TSHZ2: variants seen among roughly 807,000 people sequenced by gnomAD.
TSHZ2 encodes teashirt zinc finger homeobox 2.
Under a neutral mutation model 74.4 loss-of-function variants are expected in TSHZ2, and 21 were observed. The observed-to-expected ratio is 0.28, with a 90% confidence interval of 0.20 to 0.41. The LOEUF (loss-of-function observed/expected upper bound fraction) is 0.41. TSHZ2 is among the 10% of genes least tolerant of loss of function. The pLI is 1.00. For synonymous variants in TSHZ2, 540 were observed against 515.3 expected (o/e 1.05, Z -0.65); for missense variants, 1,244 against 1,293.5 (o/e 0.96, Z 0.59).
At chr20:53,323,671 G>A (rs1979375691) in intron 2 of TSHZ2, among the ~76,000 whole-genome samples, 1 of 136,560 alleles carries the variant, frequency 7.3e-6, no homozygotes, top group South Asian at 2.5e-4. Flanking sequence ...CGACTCCCAG[G>A]TTCAAGCGAT....
chr20:53,052,204 G>T (rs1984492846), intron 1 of TSHZ2, among the ~76,000 whole-genome samples: 1 of 152,040 alleles, frequency 6.6e-6, no homozygotes, highest in Non-Finnish European at 1.5e-5. Flanking sequence ...GACTATTTTA[G>T]GTACCTCATG....
chr20:53,019,616 C>A (rs372830150), intron 1 of TSHZ2, among the ~76,000 whole-genome samples: 1 of 152,090 alleles, frequency 6.6e-6, no homozygotes, highest in African/African-American at 2.4e-5. Context: ...TTGGCCTTTA[C>A]GTGAATCTAC....
At chr20:53,241,631 T>C (rs150959556) in intron 1 of TSHZ2, among the ~76,000 whole-genome samples, 428 of 152,260 alleles carry the variant, frequency 2.8e-3, no homozygotes, top group Middle Eastern at 0.027. Context: ...AACATGATTC[T>C]TCATGACTAG....
chr20:53,028,656 G>A (rs1983533684), intron 1 of TSHZ2, among the ~76,000 whole-genome samples: 1 of 152,224 alleles, frequency 6.6e-6, no homozygotes. Context: ...GTTGGGGCAG[G>A]TTTCTCAGCA....
chr20:53,141,310 G>T (rs893129206), intron 1 of TSHZ2, among the ~76,000 whole-genome samples: 1 of 152,126 alleles, frequency 6.6e-6, no homozygotes, highest in African/African-American at 2.4e-5. Flanking sequence ...GGGAGCCCAG[G>T]GCATCATTAG....
intron 1 of TSHZ2, among the ~76,000 whole-genome samples, chr20:53,018,489 G>A (rs1359163438): frequency 6.6e-6 from 1 of 152,132 alleles, no homozygotes; most frequent in African/African-American, 2.4e-5. Flanking sequence ...AGAAGGGGGA[G>A]GGCAGGACAG....
intron 1 of TSHZ2, among the ~76,000 whole-genome samples, chr20:52,974,914 T>A (rs954699516): frequency 6.6e-6 from 1 of 152,228 alleles, no homozygotes; most frequent in Non-Finnish European, 1.5e-5. Flanking sequence ...AATTAAAATA[T>A]TTTTAGTGAG....
At chr20:53,360,974 G>C (rs1479915996) in intron 2 of TSHZ2, among the ~76,000 whole-genome samples, 1 of 152,150 alleles carries the variant, frequency 6.6e-6, no homozygotes, top group African/African-American at 2.4e-5. Flanking sequence ...TCCCTCTGGG[G>C]GGCTAGTTCG....
At chr20:53,036,635 G>A (rs1983828509) in intron 1 of TSHZ2, among the ~76,000 whole-genome samples, 1 of 147,660 alleles carries the variant, frequency 6.8e-6, no homozygotes, top group African/African-American at 2.5e-5. Flanking sequence ...TGGGTTTATT[G>A]CATTACACAT....
chr20:53,438,296 G>C (rs537368371), intron 2 of TSHZ2, among the ~76,000 whole-genome samples: 1 of 151,852 alleles, frequency 6.6e-6, no homozygotes, highest in Non-Finnish European at 1.5e-5. Flanking sequence ...CTTTAGTAGA[G>C]ATGGGCTTTC....
intron 2 of TSHZ2, among the ~76,000 whole-genome samples, chr20:53,358,830 G>T (rs982837896): frequency 5.9e-5 from 9 of 152,282 alleles, no homozygotes; most frequent in African/African-American, 1.9e-4. Context: ...ACTTCACTCA[G>T]CTGACAGATA....
At chr20:53,480,575 A>T (rs1035729251) in intron 2 of TSHZ2, among the ~76,000 whole-genome samples, 2 of 151,966 alleles carry the variant, frequency 1.3e-5, no homozygotes, top group Non-Finnish European at 2.9e-5. Context: ...TTCTAAAAAA[A>T]AAAAAAAGAA....
intron 2 of TSHZ2, among the ~76,000 whole-genome samples, chr20:53,483,771 G>A (rs1438294840): frequency 2.0e-5 from 3 of 152,114 alleles, no homozygotes; most frequent in African/African-American, 7.2e-5. Context: ...TCCAAGACAG[G>A]AACTATAATA....
intron 1 of TSHZ2, among the ~76,000 whole-genome samples, chr20:53,066,357 C>A (rs1004574152): frequency 1.3e-5 from 2 of 152,130 alleles, no homozygotes; most frequent in South Asian, 2.1e-4. Flanking sequence ...GACTGCTTCT[C>A]CTTCACTGCC....
intron 1 of TSHZ2, among the ~76,000 whole-genome samples, chr20:53,023,636 TTG>T (rs1232510478): frequency 4.4e-5 from 1 of 22,548 alleles, no homozygotes; most frequent in Non-Finnish European, 1.2e-4. Flanking sequence ...TTTTTGCTTT[TTG>T]TTTTTTATGA....
intron 2 of TSHZ2, among the ~76,000 whole-genome samples, chr20:53,472,436 GA>G (rs1488903618): frequency 6.6e-6 from 1 of 152,174 alleles, no homozygotes; most frequent in East Asian, 1.9e-4. Context: ...TTCCTGTGAA[GA>G]GGAATACAGA....
intron 2 of TSHZ2, among the ~76,000 whole-genome samples, chr20:53,295,909 T>G (rs1991369704): frequency 1.3e-5 from 2 of 152,254 alleles, no homozygotes; most frequent in South Asian, 4.1e-4. Flanking sequence ...GTTTTTTGTT[T>G]TTTGCTTGTA....
chr20:53,412,451 T>C (rs574734820), intron 2 of TSHZ2: 1 of 152,376 alleles, frequency 6.6e-6, no homozygotes, highest in Non-Finnish European at 1.5e-5. Context: ...CTTTTAACCA[T>C]TTTTAAGTGT....
At chr20:53,315,704 C>T (rs1978975963) in intron 2 of TSHZ2, among the ~76,000 whole-genome samples, 1 of 152,128 alleles carries the variant, frequency 6.6e-6, no homozygotes, top group Non-Finnish European at 1.5e-5. Flanking sequence ...TTAAAACAGG[C>T]AGTGAACAAG....
Sources: gnomAD v4.1 joint callset for allele counts (sites outside exome capture counted in the v4.1 genomes callset) on GRCh38, gnomAD v4.1.1 for gene constraint, MANE v1.5 for transcripts, NCBI Gene and HGNC (gene_info 2026-07-23, HGNC 2026-07-21) for gene names.